The following SPTBN5 variants were observed in gnomAD, a reference collection of about 807,000 sequenced individuals.
SPTBN5 encodes the protein spectrin beta chain, non-erythrocytic 5.
In SPTBN5, 513 loss-of-function variants were observed where a neutral mutation model predicts 477.6. The ratio of observed to expected loss-of-function variants is 1.07; its 90% CI spans 1.00 to 1.16. The LOEUF (loss-of-function observed/expected upper bound fraction) is 1.16, where lower values mean the gene tolerates loss of function less well. Among genes scored for constraint, SPTBN5 ranks in the 50% most tolerant of loss-of-function variants. SPTBN5 has a pLI of 0.00. For missense variants in SPTBN5, 5,062 were observed against 4,731.8 expected (o/e 1.07, Z -2.05); for synonymous variants, 2,169 against 2,011.7 (o/e 1.08, Z -2.09).
chr15:41,848,542 C>T lies in SPTBN5; in HGVS notation c.*74G>A. ...CGGGAAGGAGCCCTTTTGCCTGTAGCTGAGTCTTATTCTGGTCCCTTAGAT... is the reference window on the plus strand; with the variant it reads ...CGGGAAGGAGCCCTTTTGCCTGTAGTTGAGTCTTATTCTGGTCCCTTAGAT... On this transcript the variant is annotated 3_prime_UTR_variant, in exon 68 of 68. Transcript: ENST00000320955. 1.3e-6 allele frequency: 2 copies of T among 1,583,034 alleles called. No individual in the cohort carries two copies. Among genetic ancestry groups the T allele is most frequent in the Admixed American group, 1.7e-5 (1 of 59,984 alleles).
At position 41,857,443 on chromosome 15, in the gene SPTBN5, T is replaced by C; in HGVS notation, c.8416A>G (p.Ile2806Val). ...GTGGGGGCTCTCAGCTCAACCTCGA[T>C]GGGCTCCAGCCAGTTCTCCAGTTCC... ...MEELENWLEP[I>V]EVELRAPTVG... Residue 2806 changes from isoleucine (I) to valine (V), a missense_variant, in exon 51 of 68, where the codon ATC becomes GTC. Ile to Val is a conservative substitution (Grantham distance 29). Transcript: ENST00000320955. 1.4e-5 allele frequency: 22 copies of C among 1,607,658 alleles called. No homozygotes were observed. Among genetic ancestry groups the C allele is most frequent in the Non-Finnish European group, 1.8e-5 (21 of 1,177,530 alleles).
At chr15:41,850,694 C>T (rs2065723130) in intron 66 of SPTBN5, 160 bp downstream of exon 66, 3 of 679,178 alleles carry the variant, frequency 4.4e-6, no homozygotes, top group East Asian at 2.7e-5. Flanking sequence ...GTAACCTCTC[C>T]AGGACCTAAA....
rs1346959569 is a variant in SPTBN5 at position 41,861,766 on chromosome 15, T to C, written c.7706A>G (p.Gln2569Arg). The C allele has an allele frequency of 2.6e-6, 4 of 1,553,728 alleles. No homozygotes were observed. Among genetic ancestry groups the C allele is most frequent in the Non-Finnish European group, 3.5e-6 (4 of 1,153,480 alleles). Reference protein sequence around the residue: ...SSLEGAWQEHQLQLQQALELQ... With the variant: ...SSLEGAWQEHRLQLQQALELQ... ...CTCCAGGGCCTGCTGCAGCTGTAGC[T>C]GATGCTCCTGCCAGGCCCCTTCCAG... Residue 2569 changes from glutamine (Q) to arginine (R), a missense_variant, in exon 45 of 68, where the codon CAG becomes CGG. Transcript: ENST00000320955.
chr15:41,862,543 T>C lies in SPTBN5; in HGVS notation c.7381A>G (p.Lys2461Glu), dbSNP rs369936657. Residue 2461 changes from lysine to glutamate, a missense_variant, in exon 43 of 68, where the codon AAG (lysine) becomes GAG (glutamate). Coordinates refer to ENST00000320955, the MANE Select transcript of SPTBN5 (RefSeq NM_016642.4). The part of the protein sequence containing the change: ...SWWQLRSRAQ[K>E]RREALDALHQ... ...GCAAGGCCTGCGGGTTCATACCGCTTCTGGGCCCTGCTCCGGAGCTGCCAC... is the reference window on the plus strand; with the variant it reads ...GCAAGGCCTGCGGGTTCATACCGCTCCTGGGCCCTGCTCCGGAGCTGCCAC... 1.1e-5 allele frequency: 17 copies of C among 1,575,308 alleles called. No homozygotes were observed. The highest frequency in any genetic ancestry group is 3.4e-6 in the Non-Finnish European group (4 of 1,160,886).
chr15:41,849,262 C>G (rs765086119), intron 67 of SPTBN5, among the ~76,000 whole-genome samples: 2 of 152,220 alleles, frequency 1.3e-5, no homozygotes, highest in Non-Finnish European at 2.9e-5. Context: ...ATGCTGGGAT[C>G]TACAAGGAGG....
chr15:41,856,325 C>T, intron 53 of SPTBN5, 61 bp downstream of exon 53: 1 of 1,426,222 alleles, frequency 7.0e-7, no homozygotes, highest in Non-Finnish European at 9.3e-7. Flanking sequence ...AGTGACCTCC[C>T]AGCCGCACTC....
At position 41,857,464 on chromosome 15, in the gene SPTBN5, G is replaced by T; in HGVS notation, c.8395C>A (p.Leu2799Met). Residue 2799 changes from leucine to methionine, a missense_variant, in exon 51 of 68, where the codon CTG (leucine) becomes ATG (methionine). By Grantham distance (15) the Leu-to-Met change is conservative. Transcript: ENST00000320955. ...ALRLRRSMEE[L>M]ENWLEPIEVE... ...TCGATGGGCTCCAGCCAGTTCTCCAGTTCCTCCATGCTCCGCCGCAGACGC... is the reference window on the plus strand; with the variant it reads ...TCGATGGGCTCCAGCCAGTTCTCCATTTCCTCCATGCTCCGCCGCAGACGC... 2 of 1,609,232 alleles carry T rather than the reference G, an allele frequency of 1.2e-6. No homozygotes were observed. Among genetic ancestry groups the T allele is most frequent in the African/African-American group, 2.7e-5 (2 of 74,998 alleles).
chr15:41,880,964 C>G lies in SPTBN5; in HGVS notation c.2658+70G>C, dbSNP rs895475776. The stretch of plus-strand genomic sequence containing the variant: ...AACATGTCAGTCACTGCCTTGTCCC[C>G]TGGGATCACTGCACAGGAGCTGCTG... On this transcript the variant is annotated intron_variant, in intron 13 of 67. Coordinates refer to ENST00000320955, the MANE Select transcript of SPTBN5 (RefSeq NM_016642.4). The G allele has an allele frequency of 4.3e-6, 6 of 1,380,212 alleles. No homozygotes were observed. In the Admixed American group the frequency reaches 1.0e-4, roughly 24 times the overall value. The allele number at this position is 1,380,212 out of a possible 1,614,324, so 85.5% of individuals were successfully genotyped here.
intron 24 of SPTBN5, 88 bp from the exon 25 acceptor site, chr15:41,874,133 G>T: frequency 6.6e-7 from 1 of 1,514,892 alleles, no homozygotes; most frequent in Non-Finnish European, 8.9e-7. Context: ...CCCCAATCAT[G>T]GCAAGACCCC....
At chr15:41,853,864 C>T in intron 57 of SPTBN5, 77 bp from the exon 58 acceptor site, 2 of 1,450,016 alleles carry the variant, frequency 1.4e-6, no homozygotes, top group Non-Finnish European at 1.8e-6. Flanking sequence ...AGCACCAGGC[C>T]TCTCTGAGGA....
chr15:41,872,203 G>A lies in SPTBN5; in HGVS notation c.5165+99C>T, dbSNP rs755886219. The A allele has an allele frequency of 4.8e-5, 69 of 1,423,990 alleles. 2 individuals are homozygous for A. The highest frequency in any genetic ancestry group is 5.1e-4 in the Middle Eastern group (2 of 3,890). The allele number at this position is 1,423,990 out of a possible 1,614,324, so 88.2% of individuals were successfully genotyped here. A position where few individuals can be genotyped will look rare whatever the true frequency, so the allele number is the denominator to read the frequency against. ...TTCCCAATGCATCTCTACAGCCTGG[G>A]GTCATGGGTTCTGATTGACTTTGGG... On this transcript the variant is annotated intron_variant, in intron 27 of 67. Coordinates refer to ENST00000320955, the MANE Select transcript of SPTBN5 (RefSeq NM_016642.4).
chr15:41,863,066 G>A (rs2066173102), intron 41 of SPTBN5, among the ~76,000 whole-genome samples, 163 bp from the exon 42 acceptor site: 2 of 152,232 alleles, frequency 1.3e-5, no homozygotes, highest in African/African-American at 2.4e-5. Flanking sequence ...TGAGGGGGAC[G>A]ATTCTGAGGA....
rs377166485 is a variant in SPTBN5 at position 41,870,508 on chromosome 15, G to A, written c.5500C>T (p.Arg1834Ter). ...ELTQARGHAL[R>*]DTETTLRVHR... is the part of the protein sequence containing the mutation. Reference sequence around the variant, plus strand: ...ACTCTGAGGGTGGTCTCGGTGTCTCGGAGCGCGTGGCCTCGGGCCTGGGTC... The same window carrying A: ...ACTCTGAGGGTGGTCTCGGTGTCTCAGAGCGCGTGGCCTCGGGCCTGGGTC... The change falls in exon 30 of 68, where the codon CGA becomes TGA. Residue 1834 changes from arginine to a stop codon, truncating the protein, a stop_gained. Transcript: ENST00000320955. LOFTEE classifies it high-confidence loss of function. The A allele has an allele frequency of 7.4e-6, 12 of 1,612,570 alleles. No individual in the cohort carries two copies. The highest frequency in any genetic ancestry group is 6.7e-5 in the Admixed American group (4 of 59,982).
chr15:41,859,144 G>A lies in SPTBN5; in HGVS notation c.7989-164C>T, dbSNP rs370153065. 9.9e-5 allele frequency among the ~76,000 whole-genome samples: 15 copies of A among 152,218 alleles called. No individual in the cohort carries two copies. The South Asian group carries it at 1.5e-3, about 15-fold the overall frequency. ...TCTGTATTTGTGTCTGTTATGCGCC[G>A]GATTTTGTACCCCCAAGTTTGTTTT... On this transcript the variant is annotated intron_variant, in intron 47 of 67. Transcript: ENST00000320955.
chr15:41,850,722 G>A, intron 66 of SPTBN5, 132 bp downstream of exon 66: 1 of 792,062 alleles, frequency 1.3e-6, no homozygotes. Flanking sequence ...AGGAAAAACA[G>A]TAAGTCCCAC....
Position 41,893,077 on chromosome 15 carries a change from G to T in SPTBN5, c.217-16C>A. 6.2e-7 allele frequency: 1 copy of T among 1,607,898 alleles called. No individual in the cohort carries two copies. The highest frequency in any genetic ancestry group is 1.1e-5 in the South Asian group (1 of 90,720). On this transcript the variant is annotated splice_polypyrimidine_tract_variant and intron_variant, in intron 2 of 67. Transcript: ENST00000320955. The stretch of plus-strand genomic sequence containing the variant: ...TGATGCCCGCCTGGGGAGGGGACAG[G>T]GGTAAGTATGGGGTCAGCCCAGCCT...
chr15:41,861,499 G>A lies in SPTBN5; in HGVS notation c.7738-3C>T. The stretch of plus-strand genomic sequence containing the variant: ...TTCTCCACTGAGCTCAGAAACAGCT[G>A]AGAACAAAGGAAAAGGCAAGAGACA... On this transcript the variant is annotated splice_region_variant and splice_polypyrimidine_tract_variant and intron_variant, in intron 45 of 67. Transcript: ENST00000320955. 6.2e-7 allele frequency: 1 copy of A among 1,613,388 alleles called. No individual in the cohort carries two copies.
chr15:41,860,174 TGA>T (rs2066056538), intron 47 of SPTBN5, among the ~76,000 whole-genome samples: 1 of 152,204 alleles, frequency 6.6e-6, no homozygotes, highest in South Asian at 2.1e-4. Flanking sequence ...GCCCAGGATG[TGA>T]GGCTCAGCTG....
chr15:41,871,977 G>A (rs886183147), intron 27 of SPTBN5, 60 bp from the exon 28 acceptor site: 50 of 1,458,616 alleles, frequency 3.4e-5, no homozygotes, highest in African/African-American at 2.9e-4. Context: ...GGGGCCAGTC[G>A]GGCCAGCCAG....
Sources: allele counts gnomAD v4.1 joint callset (sites outside exome capture counted in the v4.1 genomes callset), GRCh38; gene constraint gnomAD v4.1.1; transcripts MANE v1.5; gene names NCBI Gene and HGNC (gene_info 2026-07-23, HGNC 2026-07-21).